The following CCDC50 variants were observed in gnomAD, a reference collection of about 807,000 sequenced individuals.
The protein encoded by CCDC50 is coiled-coil domain containing 50.
In CCDC50, 54 loss-of-function variants were observed where a neutral mutation model predicts 70.2. The observed-to-expected ratio is 0.77, with a 90% CI of 0.62 to 0.96. The LOEUF (loss-of-function observed/expected upper bound fraction) is 0.96. Ranked by LOEUF, CCDC50 falls within the 50% of genes least tolerant of loss-of-function variation. The pLI is 0.00. For synonymous variants in CCDC50, 216 were observed against 198.8 expected (o/e 1.09, Z -0.73); for missense variants, 558 against 578.7 (o/e 0.96, Z 0.37).
At chr3:191,381,578 C>T (rs1369387576) in intron 9 of CCDC50, among the ~76,000 whole-genome samples, 3 of 152,108 alleles carry the variant, frequency 2.0e-5, no homozygotes, top group Non-Finnish European at 4.4e-5. Flanking sequence ...GCGCGTAAGA[C>T]AACACTTTGG....
Position 191,361,054 on chromosome 3 carries a change from A to G in CCDC50, c.240-15A>G. The G allele has an allele frequency of 1.3e-6, 2 of 1,584,188 alleles. No homozygotes were observed. The highest frequency in any genetic ancestry group is 1.7e-6 in the Non-Finnish European group (2 of 1,153,130). ...TTTTATTTTCCTTATTCATGTTTTC[A>G]CCTTTGCTTTTTAGTGAACAACAAG... On this transcript the variant is annotated splice_polypyrimidine_tract_variant and intron_variant, in intron 3 of 11. Transcript: ENST00000392455.
At chr3:191,378,452 T>A (rs551686479) in intron 6 of CCDC50, among the ~76,000 whole-genome samples, 2 of 152,236 alleles carry the variant, frequency 1.3e-5, no homozygotes, top group South Asian at 4.1e-4. Context: ...TTTGAGCACA[T>A]CCCACTGTAT....
intron 1 of CCDC50, among the ~76,000 whole-genome samples, chr3:191,335,143 C>T (rs1351502408): frequency 3.3e-5 from 5 of 152,228 alleles, no homozygotes; most frequent in African/African-American, 1.2e-4. Flanking sequence ...ATAAATTTTT[C>T]CTCAGTGACA....
At chr3:191,343,157 T>G (rs1455625859) in intron 1 of CCDC50, among the ~76,000 whole-genome samples, 3 of 152,208 alleles carry the variant, frequency 2.0e-5, no homozygotes, top group African/African-American at 7.2e-5. Context: ...TATGCACCTA[T>G]TTTGGTATCT....
intron 11 of CCDC50, among the ~76,000 whole-genome samples, chr3:191,390,556 C>T (rs772669555): frequency 1.3e-5 from 2 of 152,042 alleles, no homozygotes; most frequent in Non-Finnish European, 2.9e-5. Context: ...GAGGGTTCCT[C>T]CCCTTTATAG....
chr3:191,385,928 T>G (rs427050), intron 10 of CCDC50, among the ~76,000 whole-genome samples: 150,267 of 152,180 alleles, frequency 0.99, 74,188 homozygotes, highest in Middle Eastern at 1. Flanking sequence ...AAAATCCCTT[T>G]GTTATAGGTG....
chr3:191,337,803 T>G (rs1711569215), intron 1 of CCDC50, among the ~76,000 whole-genome samples: 1 of 152,142 alleles, frequency 6.6e-6, no homozygotes, highest in Non-Finnish European at 1.5e-5. Flanking sequence ...TCCAACAGAT[T>G]TAACCACCTT....
chr3:191,364,022 G>A (rs528375486), intron 4 of CCDC50, among the ~76,000 whole-genome samples: 4 of 152,002 alleles, frequency 2.6e-5, no homozygotes, highest in East Asian at 1.9e-4. Flanking sequence ...TAACTCTTCC[G>A]GCCAATTTTT....
At chr3:191,367,196 A>G (rs1712724567) in intron 4 of CCDC50, among the ~76,000 whole-genome samples, 1 of 152,028 alleles carries the variant, frequency 6.6e-6, no homozygotes, top group African/African-American at 2.4e-5. Flanking sequence ...TTTTTACTTG[A>G]TTAAAAGCAC....
At chr3:191,373,593 T>C (rs1241352268) in intron 5 of CCDC50, among the ~76,000 whole-genome samples, 1 of 152,168 alleles carries the variant, frequency 6.6e-6, no homozygotes, top group African/African-American at 2.4e-5. Context: ...TATATAAATT[T>C]ACAGCAGTAG....
rs887073327 is a variant in CCDC50 at position 191,343,072 on chromosome 3, C to T, written c.49+13349C>T. Among the ~76,000 whole-genome samples the T allele has an allele frequency of 5.1e-5, 7 of 138,122 alleles. No homozygotes were observed. In the South Asian group the frequency reaches 9.4e-4, roughly 19 times the overall value. The allele number at this position is 138,122 out of a possible 152,430, so 90.6% of individuals were successfully genotyped here. On this transcript the variant is annotated intron_variant, in intron 1 of 11. Coordinates refer to ENST00000392455, the MANE Select transcript of CCDC50 (RefSeq NM_178335.3). ...GTAGATCAGAAATAACAGTGCTTGG[C>T]GGGATGCAAGGCCTGTGTATACTGA...
At chr3:191,385,081 GATTC>G (rs1370647058) in intron 10 of CCDC50, among the ~76,000 whole-genome samples, 1 of 152,156 alleles carries the variant, frequency 6.6e-6, no homozygotes, top group Non-Finnish European at 1.5e-5. Context: ...CATTTTGGTT[GATTC>G]CATGTCTTTG....
At chr3:191,340,671 T>C (rs1284066966) in intron 1 of CCDC50, among the ~76,000 whole-genome samples, 1 of 152,204 alleles carries the variant, frequency 6.6e-6, no homozygotes, top group Non-Finnish European at 1.5e-5. Context: ...TGGCGGAGCT[T>C]ATTAAACATT....
At position 191,369,968 on chromosome 3, in the gene CCDC50, G is replaced by C. The variant is rs1349310021; in HGVS notation, c.380G>C (p.Arg127Thr). 6.8e-6 allele frequency: 11 copies of C among 1,613,408 alleles called. No individual in the cohort carries two copies. Among genetic ancestry groups the C allele is most frequent in the Non-Finnish European group, 9.3e-6 (11 of 1,179,652 alleles). ...AAGGAGTTACAGGAAGAGAAAAAGA[G>C]AAAGAAACACTTTCCAGAGTTCCCT... The part of the protein sequence containing the change: ...QEKELQEEKK[R>T]KKHFPEFPAT... The change falls in exon 5 of 12, where the codon AGA (arginine) becomes ACA (threonine). Residue 127 changes from arginine (R) to threonine (T), a missense_variant. Coordinates refer to ENST00000392455, the MANE Select transcript of CCDC50 (RefSeq NM_178335.3).
chr3:191,364,172 G>A (rs1712596047), intron 4 of CCDC50, among the ~76,000 whole-genome samples: 1 of 151,586 alleles, frequency 6.6e-6, no homozygotes, highest in Non-Finnish European at 1.5e-5. Flanking sequence ...GGGTTCAAGC[G>A]ATTCCCCTGC....
At chr3:191,388,258 C>CAT (rs1442802186) in intron 10 of CCDC50, among the ~76,000 whole-genome samples, 1 of 151,860 alleles carries the variant, frequency 6.6e-6, no homozygotes, top group Non-Finnish European at 1.5e-5. Flanking sequence ...CACATATATA[C>CAT]ATATAGTCTT....
chr3:191,391,379 C>G (rs1713688210), intron 11 of CCDC50, among the ~76,000 whole-genome samples: 1 of 152,094 alleles, frequency 6.6e-6, no homozygotes, highest in Non-Finnish European at 1.5e-5. Context: ...GAGAAAAAGA[C>G]AAAAGGCATT....
chr3:191,365,619 A>C (rs897695862), intron 4 of CCDC50, among the ~76,000 whole-genome samples: 1 of 152,136 alleles, frequency 6.6e-6, no homozygotes, highest in Admixed American at 6.5e-5. Flanking sequence ...GTTAGATGTT[A>C]ATATGTTAAT....
chr3:191,389,348 C>T (rs1257081796), intron 10 of CCDC50, 148 bp from the exon 11 acceptor site: 2 of 752,776 alleles, frequency 2.7e-6, no homozygotes, highest in Admixed American at 1.8e-5. Context: ...CAAGGCCATG[C>T]AACTGTCCAG....
Sources: gnomAD v4.1 joint callset for allele counts (sites outside exome capture counted in the v4.1 genomes callset) on GRCh38, gnomAD v4.1.1 for gene constraint, MANE v1.5 for transcripts, NCBI Gene and HGNC (gene_info 2026-07-23, HGNC 2026-07-21) for gene names.